FER: variants seen among roughly 807,000 people sequenced by gnomAD.
The protein encoded by FER is FER tyrosine kinase, also known as tyrosine-protein kinase Fer.
In FER, 63 loss-of-function variants were observed where a neutral mutation model predicts 111.0. That is an observed-to-expected ratio of 0.57 (90% confidence interval 0.46 to 0.70). The LOEUF (loss-of-function observed/expected upper bound fraction) is 0.70. FER is among the 30% of genes least tolerant of loss of function. The pLI is 0.00. For synonymous variants in FER, 327 were observed against 313.9 expected, an observed-to-expected ratio of 1.04 and a Z score of -0.44; for missense variants, 914 against 954.0, an observed-to-expected ratio of 0.96 and a Z score of 0.55.
chr5:108,801,077 T>TA (rs1027829724), intron 3 of FER, among the ~76,000 whole-genome samples: 1 of 152,242 alleles, frequency 6.6e-6, no homozygotes, highest in African/African-American at 2.4e-5. Context: ...GATGCAAAGT[T>TA]AAAGAGTTTT....
At chr5:109,061,466 A>G (rs114546236) in intron 16 of FER, among the ~76,000 whole-genome samples, 466 of 152,332 alleles carry the variant, frequency 3.1e-3, no homozygotes, top group African/African-American at 0.01. Context: ...TGAGGTACAG[A>G]GAGCTTGAAG....
Position 109,110,098 on chromosome 5 carries a change from C to T in FER, c.2048+9579C>T, listed in dbSNP as rs564812962. 2.0e-5 allele frequency among the ~76,000 whole-genome samples: 3 copies of T among 152,192 alleles called. No individual in the cohort carries two copies. In the East Asian group the frequency reaches 5.8e-4, roughly 29 times the overall value. On this transcript the variant is annotated intron_variant, in intron 17 of 19. Transcript: ENST00000281092. ...AGTCTGCTACTTCACTTTCATTACCCCTTTAGCTAAGTGTTACCAATACTG... is the reference window on the plus strand; with the variant it reads ...AGTCTGCTACTTCACTTTCATTACCTCTTTAGCTAAGTGTTACCAATACTG...
chr5:108,921,928 A>C (rs1313064205), intron 10 of FER, among the ~76,000 whole-genome samples: 1 of 152,186 alleles, frequency 6.6e-6, no homozygotes, highest in Non-Finnish European at 1.5e-5. Flanking sequence ...ATACCTGTGT[A>C]TGTGACCTAC....
At chr5:108,902,372 A>G (rs1030511249) in intron 10 of FER, among the ~76,000 whole-genome samples, 1 of 152,182 alleles carries the variant, frequency 6.6e-6, no homozygotes, top group Admixed American at 6.5e-5. Flanking sequence ...TTGATTCATT[A>G]GATTAGATCT....
chr5:109,061,891 T>A (rs1774458707), intron 16 of FER, among the ~76,000 whole-genome samples: 1 of 152,206 alleles, frequency 6.6e-6, no homozygotes, highest in South Asian at 2.1e-4. Flanking sequence ...CCTTTTGGAA[T>A]CATAAATCCA....
intron 16 of FER, among the ~76,000 whole-genome samples, chr5:109,058,796 G>A (rs1267766628): frequency 7.5e-5 from 10 of 133,370 alleles, no homozygotes; most frequent in Admixed American, 3.3e-4. Context: ...GCAACTGTGC[G>A]ATCTCAGCTC....
intron 17 of FER, among the ~76,000 whole-genome samples, chr5:109,147,392 CAA>C (rs1754340528): frequency 6.6e-6 from 1 of 151,732 alleles, no homozygotes; most frequent in Non-Finnish European, 1.5e-5. Context: ...TAAAACCATG[CAA>C]ATTTGCCTTT....
At chr5:108,863,636 G>A (rs1763746858) in intron 5 of FER, among the ~76,000 whole-genome samples, 1 of 152,098 alleles carries the variant, frequency 6.6e-6, no homozygotes, top group South Asian at 2.1e-4. Context: ...ATTGTGCCAA[G>A]TGTCATGCAG....
chr5:108,938,461 T>G (rs1243646687), intron 10 of FER, among the ~76,000 whole-genome samples: 1 of 151,976 alleles, frequency 6.6e-6, no homozygotes, highest in Non-Finnish European at 1.5e-5. Context: ...TTGAAGTTAG[T>G]AATCATGTGA....
chr5:109,044,810 G>A lies in FER; in HGVS notation c.1829+15G>A. On this transcript the variant is annotated intron_variant, in intron 15 of 19. Coordinates refer to ENST00000281092, the MANE Select transcript of FER (RefSeq NM_005246.4). ...CAAGAAGCCAAGTGAGTTATTTAAA[G>A]TAATCAAAATATGTATTTATTATGT... is the stretch of plus-strand genomic sequence containing the variant. 1 of 1,236,154 alleles carries A rather than the reference G, an allele frequency of 8.1e-7. No homozygotes were observed. The highest frequency in any genetic ancestry group is 2.2e-5 in the Admixed American group (1 of 44,772). 76.6% of individuals were successfully genotyped at this position (1,236,154 alleles called of 1,614,324 possible).
chr5:108,938,298 C>A (rs1755796516), intron 10 of FER, among the ~76,000 whole-genome samples: 1 of 151,748 alleles, frequency 6.6e-6, no homozygotes, highest in Non-Finnish European at 1.5e-5. Flanking sequence ...TTTGAAAAAA[C>A]AAAATGAAGA....
At chr5:108,751,537 T>TG in intron 1 of FER, among the ~76,000 whole-genome samples, 1 of 152,348 alleles carries the variant, frequency 6.6e-6, no homozygotes, top group Middle Eastern at 3.4e-3. Context: ...GTTTTGTACT[T>TG]GATTTATAAA....
chr5:109,004,782 G>T lies in FER; in HGVS notation c.1657-32640G>T, dbSNP rs919220. Among the ~76,000 whole-genome samples the T allele has an allele frequency of 7.5e-3, 1,141 of 152,158 alleles. 14 individuals carry two copies. Among genetic ancestry groups the T allele is most frequent in the African/African-American group, 0.026 (1,066 of 41,520 alleles). ...GTATGTTGGTTTGGAACCTGGTTTT[G>T]CACCTTATGAAACATTAGTGATTGT... On this transcript the variant is annotated intron_variant, in intron 13 of 19. Transcript: ENST00000281092.
chr5:109,168,278 G>T (rs867820920), intron 17 of FER, among the ~76,000 whole-genome samples: 4 of 152,182 alleles, frequency 2.6e-5, no homozygotes, highest in South Asian at 2.1e-4. Flanking sequence ...CCTTTTCCTG[G>T]CATAAATGAC....
At chr5:109,011,935 G>A (rs1189229004) in intron 13 of FER, among the ~76,000 whole-genome samples, 2 of 152,108 alleles carry the variant, frequency 1.3e-5, no homozygotes, top group Admixed American at 6.5e-5. Flanking sequence ...ACACTCATGC[G>A]TCAGTTACTT....
At chr5:108,902,877 G>C (rs1024395573) in intron 10 of FER, among the ~76,000 whole-genome samples, 4 of 151,812 alleles carry the variant, frequency 2.6e-5, no homozygotes, top group Admixed American at 6.6e-5. Context: ...TAATCTCCAA[G>C]TAAACATCAG....
At chr5:108,957,862 G>T (rs1758635780) in intron 12 of FER, among the ~76,000 whole-genome samples, 1 of 151,556 alleles carries the variant, frequency 6.6e-6, no homozygotes, top group Non-Finnish European at 1.5e-5. Context: ...TAAGGAATAA[G>T]CTGAGACACT....
At chr5:109,127,998 G>T (rs17450511) in intron 17 of FER, among the ~76,000 whole-genome samples, 8,040 of 152,044 alleles carry the variant, frequency 0.053, 282 homozygotes, top group Non-Finnish European at 0.079. Context: ...ATCCATATTT[G>T]ATTTTAACTT....
intron 1 of FER, among the ~76,000 whole-genome samples, chr5:108,757,335 C>G (rs1184371407): frequency 6.6e-6 from 1 of 151,998 alleles, no homozygotes; most frequent in African/African-American, 2.4e-5. Context: ...TTGAGATTGT[C>G]CTAAACTATA....
Sources: gnomAD v4.1 joint callset for allele counts (sites outside exome capture counted in the v4.1 genomes callset) on GRCh38, gnomAD v4.1.1 for gene constraint, MANE v1.5 for transcripts, NCBI Gene and HGNC (gene_info 2026-07-23, HGNC 2026-07-21) for gene names.